Variants in C5orf34 observed in about 807,000 individuals in gnomAD.
The protein encoded by C5orf34 is chromosome 5 open reading frame 34, also known as uncharacterized protein C5orf34.
A neutral mutation model predicts 78.4 loss-of-function variants in C5orf34; 73 were observed. That is an observed-to-expected ratio of 0.93 (90% CI 0.77 to 1.13). The LOEUF (loss-of-function observed/expected upper bound fraction) is 1.13, where lower values mean the gene tolerates loss of function less well. Among genes scored for constraint, C5orf34 ranks in the 50% most tolerant of loss-of-function variants. C5orf34 has a pLI of 0.00. For missense variants in C5orf34, 730 were observed against 732.7 expected, an observed-to-expected ratio of 1.00 and a Z score of 0.04; for synonymous variants, 251 against 246.6, an observed-to-expected ratio of 1.02 and a Z score of -0.17.
intron 4 of C5orf34, 73 bp downstream of exon 4, chr5:43,505,675 T>A: frequency 7.0e-7 from 1 of 1,438,414 alleles, no homozygotes; most frequent in African/African-American, 1.4e-5. Flanking sequence ...TGGTATCAGA[T>A]AAAAAGAAAA....
chr5:43,508,058 ACAG>A (rs1430962982), intron 3 of C5orf34, among the ~76,000 whole-genome samples: 1 of 145,274 alleles, frequency 6.9e-6, no homozygotes, highest in African/African-American at 2.6e-5. Context: ...AGCCCTGGCG[ACAG>A]TGTGAGACTC....
intron 6 of C5orf34, among the ~76,000 whole-genome samples, chr5:43,501,734 C>A: frequency 6.6e-6 from 1 of 152,142 alleles, no homozygotes; most frequent in East Asian, 1.9e-4. Context: ...TATTTAAATA[C>A]TCCACTCTGT....
intron 1 of C5orf34, chr5:43,514,251 C>A (rs530132087): frequency 6.6e-6 from 1 of 152,354 alleles, no homozygotes; most frequent in Non-Finnish European, 1.5e-5. Flanking sequence ...CAATCCATCT[C>A]TAGTATTGAT....
At position 43,503,761 on chromosome 5, in the gene C5orf34, C is replaced by CATCATTCTCAG; in HGVS notation, c.933-2_933-1insCTGAGAATGAT. The CATCATTCTCAG allele has an allele frequency of 6.3e-7, 1 of 1,596,956 alleles. No homozygotes were observed. The highest frequency in any genetic ancestry group is 8.6e-7 in the Non-Finnish European group (1 of 1,164,576). On this transcript the variant is annotated splice_acceptor_variant, in intron 4 of 12. Transcript: ENST00000306862. LOFTEE classifies it high-confidence loss of function. ...TAAAAGTGAATCACAAAAATTCCACCTGTGAAGGATAAAATACAAGCTATT... is the reference window on the plus strand; with the variant it reads ...TAAAAGTGAATCACAAAAATTCCACCATCATTCTCAGTGTGAAGGATAAAATACAAGCTATT...
intron 4 of C5orf34, among the ~76,000 whole-genome samples, chr5:43,504,727 G>C (rs768181852): frequency 1.3e-5 from 2 of 152,150 alleles, no homozygotes; most frequent in Non-Finnish European, 2.9e-5. Flanking sequence ...GAAGGGACCA[G>C]GTCACAAAAG....
chr5:43,510,741 T>C (rs1387406300), intron 1 of C5orf34, among the ~76,000 whole-genome samples: 3 of 152,234 alleles, frequency 2.0e-5, no homozygotes, highest in African/African-American at 7.2e-5. Context: ...ATTCACTCAG[T>C]GCTCAATGGT....
At chr5:43,489,359 G>A (rs1053034291) in intron 11 of C5orf34, among the ~76,000 whole-genome samples, 2 of 151,990 alleles carry the variant, frequency 1.3e-5, no homozygotes, top group Non-Finnish European at 2.9e-5. Flanking sequence ...GATACCTAAG[G>A]CTTTATAGGG....
chr5:43,497,989 G>A (rs1038332962), intron 6 of C5orf34, among the ~76,000 whole-genome samples: 25 of 152,128 alleles, frequency 1.6e-4, no homozygotes, highest in East Asian at 3.9e-4. Context: ...TTTTCCTTCC[G>A]TCTCAGGGAA....
rs1191544031 is a variant in C5orf34, at chr5:43,496,168, C to T, written c.1153-1567G>A. On this transcript the variant is annotated intron_variant, in intron 6 of 12. Coordinates refer to ENST00000306862, the MANE Select transcript of C5orf34 (RefSeq NM_198566.4). ...TGTAATCATGTTTTTGATGAAGTCT[C>T]TGAGTCCTGGGGCATCAATGATAGT... The T allele has an allele frequency of 2.0e-6, 3 of 1,531,432 alleles. No individual in the cohort carries two copies. The African/African-American group carries it at 4.1e-5, about 21-fold the overall frequency. The allele number at this position is 1,531,432 out of a possible 1,614,324, so 94.9% of individuals were successfully genotyped here. A position where few individuals can be genotyped will look rare whatever the true frequency, so the allele number is the denominator to read the frequency against.
chr5:43,490,944 T>C (rs752811978), intron 10 of C5orf34, among the ~76,000 whole-genome samples: 3 of 152,190 alleles, frequency 2.0e-5, no homozygotes, highest in Non-Finnish European at 4.4e-5. Flanking sequence ...GATTTACTTA[T>C]ATTTGTGATT....
In C5orf34 at chr5:43,494,510, C is replaced by A. The variant is rs765300404; in HGVS notation, c.1244G>T (p.Arg415Ile). The change falls in exon 7 of 13, where the codon AGA (arginine) becomes ATA (isoleucine). Residue 415 changes from arginine to isoleucine, a missense_variant and splice_region_variant. Coordinates refer to ENST00000306862, the MANE Select transcript of C5orf34 (RefSeq NM_198566.4). ...TVGSLIKQAT[R>I]ILQHCVKMRL... ...ATTCAATTGAATGGGAAGAACTTAC[C>A]TTGTTGCCTGTTTAATTAGAGAACC... The A allele has an allele frequency of 6.3e-7, 1 of 1,594,644 alleles. No homozygotes were observed.
rs765876893 is a variant in C5orf34 at position 43,487,090 on chromosome 5, ATACCAC to A, written c.1736_1741del (p.Ser579_Gly580del). The A allele has an allele frequency of 1.3e-6, 2 of 1,544,646 alleles. No homozygotes were observed. Among genetic ancestry groups the A allele is most frequent in the South Asian group, 2.5e-5 (2 of 78,950 alleles). ...TTTCTTGTTAGAAATCTGGTTTAGG[ATACCAC>A]TATTTTCTAGTAGCACTAAGTTGCT... is the stretch of plus-strand genomic sequence containing the variant. On this transcript the variant is annotated inframe_deletion, in exon 13 of 13. Transcript: ENST00000306862.
At chr5:43,511,313 G>A (rs942898324) in intron 1 of C5orf34, 18 of 158,306 alleles carry the variant, frequency 1.1e-4, no homozygotes, top group Non-Finnish European at 2.2e-4. Flanking sequence ...AGTGAGGACC[G>A]TCTCTGCCCG....
intron 11 of C5orf34, 45 bp downstream of exon 11, chr5:43,490,586 A>AAC (rs1222109077): frequency 8.1e-7 from 1 of 1,228,006 alleles, no homozygotes; most frequent in African/African-American, 1.5e-5. Flanking sequence ...ATTTTTTTTA[A>AAC]AGTATTAGCT....
intron 3 of C5orf34, 107 bp downstream of exon 3, chr5:43,508,470 G>A: frequency 1.5e-6 from 1 of 645,918 alleles, no homozygotes; most frequent in South Asian, 2.0e-5. Context: ...TTATAGCAAT[G>A]TATCCCCAGG....
intron 1 of C5orf34, among the ~76,000 whole-genome samples, chr5:43,512,014 A>G (rs1264157164): frequency 7.2e-6 from 1 of 139,782 alleles, no homozygotes; most frequent in Non-Finnish European, 1.6e-5. Flanking sequence ...GAAACACCCA[A>G]GAATGATCAA....
Position 43,503,704 on chromosome 5 carries a change from T to A in C5orf34, c.989A>T (p.Glu330Val). The change falls in exon 5 of 13, where the codon GAA becomes GTA. Residue 330 changes from glutamate (E) to valine (V), a missense_variant. By Grantham distance (121) the Glu-to-Val change is moderately radical. Transcript: ENST00000306862. ...TTTGTACCAAACCATTTTCACTAGT[T>A]CAGGATAGGAATATTCATCAGATTG... The part of the protein sequence containing the change: ...QRQSDEYSYP[E>V]LVKMVWYKGV... 1 of 1,613,824 alleles carries A rather than the reference T, an allele frequency of 6.2e-7. No homozygotes were observed. Among genetic ancestry groups the A allele is most frequent in the South Asian group, 1.1e-5 (1 of 91,078 alleles).
At chr5:43,497,584 AGGCT>A (rs1381411848) in intron 6 of C5orf34, among the ~76,000 whole-genome samples, 1 of 152,208 alleles carries the variant, frequency 6.6e-6, no homozygotes, top group Non-Finnish European at 1.5e-5. Context: ...AATGATGGGC[AGGCT>A]ATACAACCTT....
rs569511344 is a variant in C5orf34 at position 43,492,825 on chromosome 5, C to T, written c.1380G>A (p.Val460=). The T allele has an allele frequency of 3.7e-6, 6 of 1,612,498 alleles. No individual in the cohort carries two copies. The South Asian group carries it at 6.6e-5, about 18-fold the overall frequency. The change falls in exon 9 of 13, where the codon GTG becomes GTA. Residue 460 remains valine, a synonymous_variant. Transcript: ENST00000306862. ...LVLKESLIPS[V]GRFLAYSDDK... is the part of the protein sequence containing the mutation. ...CATCAGAGTAGGCAAGAAATCTTCC[C>T]ACACTGGGTATGAGTGACTCTTTCA...
Sources: gnomAD v4.1 joint callset for allele counts (sites outside exome capture counted in the v4.1 genomes callset) on GRCh38, gnomAD v4.1.1 for gene constraint, MANE v1.5 for transcripts, NCBI Gene and HGNC (gene_info 2026-07-23, HGNC 2026-07-21) for gene names.